Variants in RAP1GDS1 observed in about 807,000 individuals in gnomAD.
RAP1GDS1 encodes the protein RAP1, GTP-GDP dissociation stimulator 1.
In RAP1GDS1, 35 loss-of-function variants were observed where a neutral mutation model predicts 71.1. That is an observed-to-expected ratio of 0.49 (90% CI 0.38 to 0.65). The LOEUF (loss-of-function observed/expected upper bound fraction) is 0.65. RAP1GDS1 is among the 30% of genes least tolerant of loss of function. RAP1GDS1 has a pLI of 0.00. For synonymous variants in RAP1GDS1, 229 were observed against 243.1 expected (o/e 0.94, Z 0.54); for missense variants, 663 against 706.1 (o/e 0.94, Z 0.69).
At chr4:98,276,325 A>G (rs574885864) in intron 1 of RAP1GDS1, among the ~76,000 whole-genome samples, 1 of 152,298 alleles carries the variant, frequency 6.6e-6, no homozygotes, top group Admixed American at 6.5e-5. Context: ...AGGGGACACA[A>G]ACATTCCATC....
chr4:98,335,619 TTGAA>T (rs1186723503), intron 2 of RAP1GDS1, among the ~76,000 whole-genome samples: 3 of 152,120 alleles, frequency 2.0e-5, no homozygotes, highest in Non-Finnish European at 4.4e-5. Flanking sequence ...AAACTTATCT[TTGAA>T]TGTTTATCAT....
chr4:98,416,008 C>T (rs1364332123), intron 7 of RAP1GDS1, among the ~76,000 whole-genome samples: 1 of 152,110 alleles, frequency 6.6e-6, no homozygotes, highest in Non-Finnish European at 1.5e-5. Flanking sequence ...CCTTGAACTC[C>T]TGGCCTCAAG....
At chr4:98,365,864 A>T (rs779938570) in intron 4 of RAP1GDS1, among the ~76,000 whole-genome samples, 1 of 152,178 alleles carries the variant, frequency 6.6e-6, no homozygotes, top group African/African-American at 2.4e-5. Flanking sequence ...TTTAAGTGAA[A>T]TAAAACGGGG....
intron 4 of RAP1GDS1, among the ~76,000 whole-genome samples, chr4:98,362,704 T>G (rs962742946): frequency 5.9e-5 from 9 of 152,192 alleles, no homozygotes; most frequent in African/African-American, 1.7e-4. Flanking sequence ...GAAAACTTCC[T>G]TTTTAACACC....
intron 2 of RAP1GDS1, among the ~76,000 whole-genome samples, chr4:98,341,909 C>T (rs535531719): frequency 6.8e-4 from 103 of 152,196 alleles, no homozygotes; most frequent in African/African-American, 2.5e-3. Context: ...TACATATATA[C>T]TTACAGGCAC....
chr4:98,263,894 G>C (rs642056), intron 1 of RAP1GDS1, among the ~76,000 whole-genome samples: 1 of 152,302 alleles, frequency 6.6e-6, no homozygotes, highest in African/African-American at 2.4e-5. Flanking sequence ...CAGGCAATCT[G>C]TTTCCTTCTA....
At chr4:98,381,315 A>T (rs1360239991) in intron 5 of RAP1GDS1, among the ~76,000 whole-genome samples, 1 of 151,642 alleles carries the variant, frequency 6.6e-6, no homozygotes, top group African/African-American at 2.4e-5. Context: ...AACTATCATC[A>T]TCTTTCCTCT....
At position 98,371,626 on chromosome 4, in the gene RAP1GDS1, G is replaced by A. The variant is rs564172808; in HGVS notation, c.362-7391G>A. On this transcript the variant is annotated intron_variant, in intron 4 of 14. Transcript: ENST00000408927. ...CGAGTAGCTGGGATTATAGACACAC[G>A]CCACCATGCCTGGCTAGTTTTTGTA... Among the ~76,000 whole-genome samples the A allele has an allele frequency of 3.3e-5, 5 of 151,838 alleles. No individual in the cohort carries two copies. In the South Asian group the frequency reaches 6.2e-4, roughly 19 times the overall value.
chr4:98,304,909 A>G (rs1729113042), intron 2 of RAP1GDS1, among the ~76,000 whole-genome samples: 2 of 152,106 alleles, frequency 1.3e-5, no homozygotes, highest in South Asian at 2.1e-4. Context: ...AATTTTTTGC[A>G]TATAGCTAGC....
At chr4:98,440,579 C>T (rs750964339) in intron 14 of RAP1GDS1, among the ~76,000 whole-genome samples, 2 of 152,178 alleles carry the variant, frequency 1.3e-5, no homozygotes, top group East Asian at 1.9e-4. Context: ...TTTTTATTTG[C>T]GTTTCCCTAA....
chr4:98,282,027 A>G (rs996704893), intron 1 of RAP1GDS1, among the ~76,000 whole-genome samples: 3 of 152,074 alleles, frequency 2.0e-5, no homozygotes, highest in African/African-American at 7.2e-5. Context: ...TTTATTGAAG[A>G]TGTTTGCATC....
At chr4:98,360,455 A>T (rs1368710057) in intron 4 of RAP1GDS1, among the ~76,000 whole-genome samples, 1 of 151,458 alleles carries the variant, frequency 6.6e-6, no homozygotes, top group African/African-American at 2.4e-5. Flanking sequence ...CTAATTATAG[A>T]GGCCTACTTG....
chr4:98,293,557 C>A, intron 2 of RAP1GDS1, 42 bp downstream of exon 2: 8 of 1,433,814 alleles, frequency 5.6e-6, no homozygotes, highest in Non-Finnish European at 5.8e-6. Context: ...AGAAGAAAAT[C>A]AAATCAGTAG....
chr4:98,307,525 CTTA>C (rs1487060648), intron 2 of RAP1GDS1, among the ~76,000 whole-genome samples: 3 of 152,058 alleles, frequency 2.0e-5, no homozygotes, highest in Admixed American at 1.3e-4. Flanking sequence ...TGTATCTTCT[CTTA>C]TTCTAATCTT....
In RAP1GDS1 at chr4:98,343,186, T is replaced by C. The variant is rs751620542; in HGVS notation, c.160T>C (p.Phe54Leu). The C allele has an allele frequency of 1.7e-5, 28 of 1,607,450 alleles. No homozygotes were observed. Among genetic ancestry groups the C allele is most frequent in the Admixed American group, 1.0e-4 (6 of 59,932 alleles). ...CCAAGCAAGTGGAATACTTCAGCTGTTTGCAAGTCTGTTGACTCCACAGTC... is the reference window on the plus strand; with the variant it reads ...CCAAGCAAGTGGAATACTTCAGCTGCTTGCAAGTCTGTTGACTCCACAGTC... ...KIQASGILQL[F>L]ASLLTPQSSC... The change falls in exon 3 of 15, where the codon TTT becomes CTT. Residue 54 changes from phenylalanine (F) to leucine (L), a missense_variant. Coordinates refer to ENST00000408927, the MANE Select transcript of RAP1GDS1 (RefSeq NM_001100427.2).
intron 1 of RAP1GDS1, among the ~76,000 whole-genome samples, chr4:98,277,624 C>T (rs1158387011): frequency 2.6e-5 from 4 of 152,088 alleles, no homozygotes; most frequent in Non-Finnish European, 4.4e-5. Context: ...GTTCTACTGA[C>T]CTCTCATTTC....
chr4:98,392,057 C>T lies in RAP1GDS1; in HGVS notation c.614C>T (p.Ala205Val), dbSNP rs758960292. Reference protein sequence around the residue: ...NAALTEMCLVAFGNLAELESS... With the variant: ...NAALTEMCLVVFGNLAELESS... ...GCTCTTACAGAAATGTGTCTTGTTGCATTTGGTAATTTAGCAGAACTTGGT... is the reference window on the plus strand; with the variant it reads ...GCTCTTACAGAAATGTGTCTTGTTGTATTTGGTAATTTAGCAGAACTTGGT... The change falls in exon 6 of 15, where the codon GCA becomes GTA. Residue 205 changes from alanine (A) to valine (V), a missense_variant. Coordinates refer to ENST00000408927, the MANE Select transcript of RAP1GDS1 (RefSeq NM_001100427.2). The T allele has an allele frequency of 1.9e-6, 3 of 1,612,298 alleles. No individual in the cohort carries two copies. The South Asian group carries it at 3.3e-5, about 18-fold the overall frequency.
chr4:98,315,707 CTT>C (rs1354723618), intron 2 of RAP1GDS1, among the ~76,000 whole-genome samples: 1 of 151,940 alleles, frequency 6.6e-6, no homozygotes, highest in Non-Finnish European at 1.5e-5. Context: ...TATCAAAGGA[CTT>C]TTATATCATG....
chr4:98,418,812 G>A (rs751227817), intron 10 of RAP1GDS1, 21 bp downstream of exon 10: 13 of 1,565,976 alleles, frequency 8.3e-6, no homozygotes, highest in Non-Finnish European at 1.1e-5. Flanking sequence ...AGAATAGAAG[G>A]CAGCTGTGTA....
Sources: gnomAD v4.1 joint callset for allele counts (sites outside exome capture counted in the v4.1 genomes callset) on GRCh38, gnomAD v4.1.1 for gene constraint, MANE v1.5 for transcripts, NCBI Gene and HGNC (gene_info 2026-07-23, HGNC 2026-07-21) for gene names.